The following GLIPR1 variants were observed in gnomAD, a reference collection of about 807,000 sequenced individuals.
The protein encoded by GLIPR1 is GLI pathogenesis related 1.
A neutral mutation model predicts 30.3 loss-of-function variants in GLIPR1; 38 were observed. That is an observed-to-expected ratio of 1.26 (90% CI 0.97 to 1.65). GLIPR1 has a LOEUF of 1.65. Ranked by LOEUF, GLIPR1 falls within the 40% of genes most tolerant of loss-of-function variation. The pLI, the probability that GLIPR1 is intolerant of heterozygous loss-of-function variation, is 0.00. For missense variants in GLIPR1, 285 were observed against 326.5 expected (o/e 0.87, Z 0.98); for synonymous variants, 122 against 110.6 (o/e 1.10, Z -0.65).
At chr12:75,495,317 A>T (rs1038981669) in intron 3 of GLIPR1, 5 of 347,362 alleles carry the variant, frequency 1.4e-5, no homozygotes, top group African/African-American at 2.1e-5. Context: ...TCTGTAAAAC[A>T]AGAATAACTT....
chr12:75,486,032 A>G (rs1470344924), intron 2 of GLIPR1, among the ~76,000 whole-genome samples: 2 of 152,184 alleles, frequency 1.3e-5, no homozygotes, highest in African/African-American at 4.8e-5. Flanking sequence ...TAAGAAAGGT[A>G]TAAAGAGTGG....
At position 75,495,596 on chromosome 12, in the gene GLIPR1, C is replaced by T. The variant is rs774435352; in HGVS notation, c.553C>T (p.Pro185Ser). Residue 185 changes from proline (P) to serine (S), a missense_variant, in exon 4 of 6, where the codon CCA (proline) becomes TCA (serine). Pro to Ser is a moderately conservative substitution (Grantham distance 74). Transcript: ENST00000266659. ...TTACAGAGGGAATTACCCAACTTGG[C>T]CATATAAGAGAGGAGCCACCTGCAG... ...YGPGGNYPTWPYKRGATCSAC... is the reference protein window; with the variant it reads ...YGPGGNYPTWSYKRGATCSAC... 6.2e-7 allele frequency: 1 copy of T among 1,605,428 alleles called. No homozygotes were observed. The highest frequency in any genetic ancestry group is 8.5e-7 in the Non-Finnish European group (1 of 1,172,288).
At chr12:75,491,178 T>C (rs1376996706) in intron 3 of GLIPR1, 1 of 70,762 alleles carries the variant, frequency 1.4e-5, no homozygotes, top group Non-Finnish European at 4.0e-5. Context: ...AAATGATAGA[T>C]TGTTTATATA....
chr12:75,486,519 G>C (rs2046294660), intron 2 of GLIPR1, among the ~76,000 whole-genome samples: 1 of 152,148 alleles, frequency 6.6e-6, no homozygotes, highest in Non-Finnish European at 1.5e-5. Context: ...AAGTGGCAAA[G>C]CTTGAATATG....
Position 75,502,077 on chromosome 12 carries a change from C to A in GLIPR1, c.*3099C>A. The stretch of plus-strand genomic sequence containing the variant: ...CATGTCCTAAGCAAGTCACAATATC[C>A]TTAGGGTAAAAACAATGGGGTCAAA... On this transcript the variant is annotated 3_prime_UTR_variant, in exon 6 of 6. Transcript: ENST00000266659. The A allele has an allele frequency of 8.4e-7, 1 of 1,185,078 alleles. No homozygotes were observed. Among genetic ancestry groups the A allele is most frequent in the South Asian group, 1.3e-5 (1 of 79,728 alleles). 73.4% of individuals were successfully genotyped at this position (1,185,078 alleles called of 1,614,324 possible).
At chr12:75,482,914 T>G (rs2046278003) in intron 2 of GLIPR1, among the ~76,000 whole-genome samples, 1 of 152,138 alleles carries the variant, frequency 6.6e-6, no homozygotes, top group African/African-American at 2.4e-5. Flanking sequence ...GTACGGTACT[T>G]AACCTATAAT....
chr12:75,501,837 T>TAC lies in GLIPR1; in HGVS notation c.*2860_*2861insCA. 1.3e-6 allele frequency: 2 copies of TAC among 1,574,014 alleles called. No individual in the cohort carries two copies. Among genetic ancestry groups the TAC allele is most frequent in the Admixed American group, 3.5e-5 (2 of 56,370 alleles). ...TTAGCCTACATTAATAAATAAAAAA[T>TAC]ATATCAGTTAAATGTATTTATAGTT... On this transcript the variant is annotated 3_prime_UTR_variant, in exon 6 of 6. Transcript: ENST00000266659.
intron 5 of GLIPR1, 32 bp downstream of exon 5, chr12:75,498,752 A>C: frequency 6.2e-7 from 1 of 1,610,176 alleles, no homozygotes; most frequent in Non-Finnish European, 8.5e-7. Flanking sequence ...TGTTTCATTA[A>C]GAGCTATGTG....
chr12:75,487,753 G>T (rs780481413), intron 2 of GLIPR1: 18 of 456,378 alleles, frequency 3.9e-5, no homozygotes, highest in Non-Finnish European at 7.1e-5. Context: ...CACAGGAAAG[G>T]GGTCGGGATC....
At chr12:75,495,950 CA>C in intron 4 of GLIPR1, 1 of 186,304 alleles carries the variant, frequency 5.4e-6, no homozygotes, top group Non-Finnish European at 1.1e-5. Flanking sequence ...TCAGCAAGAT[CA>C]AAAATAAGTA....
rs1217852257 is a variant in GLIPR1, at chr12:75,495,600, A to G, written c.557A>G (p.Tyr186Cys). The G allele has an allele frequency of 3.1e-6, 5 of 1,609,248 alleles. No homozygotes were observed. The highest frequency in any genetic ancestry group is 2.2e-5 in the East Asian group (1 of 44,856). Reference sequence around the variant, plus strand: ...AGAGGGAATTACCCAACTTGGCCATATAAGAGAGGAGCCACCTGCAGTGCC... The same window carrying G: ...AGAGGGAATTACCCAACTTGGCCATGTAAGAGAGGAGCCACCTGCAGTGCC... The part of the protein sequence containing the change: ...GPGGNYPTWP[Y>C]KRGATCSACP... Residue 186 changes from tyrosine (Y) to cysteine (C), a missense_variant, in exon 4 of 6, where the codon TAT becomes TGT. Coordinates refer to ENST00000266659, the MANE Select transcript of GLIPR1 (RefSeq NM_006851.3).
At chr12:75,485,700 G>T (rs61932259) in intron 2 of GLIPR1, among the ~76,000 whole-genome samples, 1 of 151,196 alleles carries the variant, frequency 6.6e-6, no homozygotes, top group Non-Finnish European at 1.5e-5. Flanking sequence ...ACAGGCGCCC[G>T]CCACTACGCC....
At position 75,501,660 on chromosome 12, in the gene GLIPR1, C is replaced by T; in HGVS notation, c.*2682C>T. The stretch of plus-strand genomic sequence containing the variant: ...CAACTGTTTCTTAAAAAGATTCAGA[C>T]AAATTTATTATGGGTTTACTTTTCC... On this transcript the variant is annotated 3_prime_UTR_variant, in exon 6 of 6. Transcript: ENST00000266659. 1.8e-6 allele frequency: 2 copies of T among 1,088,838 alleles called. No individual in the cohort carries two copies. Among genetic ancestry groups the T allele is most frequent in the Non-Finnish European group, 1.4e-6 (1 of 733,292 alleles). The allele number at this position is 1,088,838 out of a possible 1,614,324, so 67.4% of individuals were successfully genotyped here.
intron 2 of GLIPR1, among the ~76,000 whole-genome samples, chr12:75,488,305 AG>A (rs1354060730): frequency 2.6e-5 from 4 of 152,316 alleles, no homozygotes; most frequent in Admixed American, 6.5e-5. Flanking sequence ...TGGGAGGCCG[AG>A]GCAGGCAGAT....
chr12:75,500,044 C>T lies in GLIPR1; in HGVS notation c.*1066C>T, dbSNP rs2046380835. On this transcript the variant is annotated 3_prime_UTR_variant, in exon 6 of 6. Coordinates refer to ENST00000266659, the MANE Select transcript of GLIPR1 (RefSeq NM_006851.3). ...TTTAACAAAGAATATATGTTTAAGG[C>T]AGTTAACTTCAGAGTATTCTTATAA... 1.1e-6 allele frequency: 1 copy of T among 910,028 alleles called. No homozygotes were observed. The highest frequency in any genetic ancestry group is 1.6e-6 in the Non-Finnish European group (1 of 615,924). The allele number at this position is 910,028 out of a possible 1,614,324, so 56.4% of individuals were successfully genotyped here.
chr12:75,493,888 A>AT (rs1316537273), intron 3 of GLIPR1: 3 of 152,144 alleles, frequency 2.0e-5, no homozygotes, highest in Non-Finnish European at 2.9e-5. Flanking sequence ...TTTAAGTAGC[A>AT]TTTTTTACCT....
chr12:75,481,886 A>C lies in GLIPR1; in HGVS notation c.227A>C (p.Gln76Pro), dbSNP rs752946024. ...GCAAAAGCATGGGCCAGCAATTGCC[A>C]GTTTTCACATAATACACGGCTGAAG... ...QIAKAWASNC[Q>P]FSHNTRLKPP... The change falls in exon 2 of 6, where the codon CAG becomes CCG. Residue 76 changes from glutamine to proline, a missense_variant. Gln to Pro is a moderately conservative substitution (Grantham distance 76). Coordinates refer to ENST00000266659, the MANE Select transcript of GLIPR1 (RefSeq NM_006851.3). 7 of 1,614,112 alleles carry C rather than the reference A, an allele frequency of 4.3e-6. No individual in the cohort carries two copies. Among genetic ancestry groups the C allele is most frequent in the Non-Finnish European group, 5.1e-6 (6 of 1,179,966 alleles).
intron 3 of GLIPR1, chr12:75,492,887 A>T (rs1195718708): frequency 1.3e-5 from 2 of 152,220 alleles, no homozygotes; most frequent in Non-Finnish European, 2.9e-5. Context: ...TGTAATAGAA[A>T]CTATCAATAG....
chr12:75,500,435 A>G lies in GLIPR1; in HGVS notation c.*1457A>G, dbSNP rs1430003079. On this transcript the variant is annotated 3_prime_UTR_variant, in exon 6 of 6. Coordinates refer to ENST00000266659, the MANE Select transcript of GLIPR1 (RefSeq NM_006851.3). ...TCAAAATCTACTTCCTCTAATATCAAAACGAAAATTTAAAGTTTTCCAAAT... is the reference window on the plus strand; with the variant it reads ...TCAAAATCTACTTCCTCTAATATCAGAACGAAAATTTAAAGTTTTCCAAAT... 1.3e-5 allele frequency: 2 copies of G among 151,994 alleles called. No individual in the cohort carries two copies. Among genetic ancestry groups the G allele is most frequent in the Non-Finnish European group, 2.9e-5 (2 of 67,926 alleles). 9.4% of individuals were successfully genotyped at this position (151,994 alleles called of 1,614,324 possible). A position where few individuals can be genotyped will look rare whatever the true frequency, so the allele number is the denominator to read the frequency against.
Sources: gnomAD v4.1 joint callset for allele counts (sites outside exome capture counted in the v4.1 genomes callset) on GRCh38, gnomAD v4.1.1 for gene constraint, MANE v1.5 for transcripts, NCBI Gene and HGNC (gene_info 2026-07-23, HGNC 2026-07-21) for gene names.